GRAMD4: variants seen among roughly 807,000 people sequenced by gnomAD.
GRAMD4 encodes GRAM domain containing 4.
Under a neutral mutation model 83.9 loss-of-function variants are expected in GRAMD4, and 25 were observed. That is an observed-to-expected ratio of 0.30 (90% CI 0.22 to 0.42). The LOEUF (loss-of-function observed/expected upper bound fraction) is 0.42, where lower values mean the gene tolerates loss of function less well. Among genes scored for constraint, GRAMD4 ranks in the 10% least tolerant of loss-of-function variants. The pLI is 1.00. For missense variants in GRAMD4, 593 were observed against 788.7 expected (o/e 0.75, Z 2.97); for synonymous variants, 336 against 320.9 (o/e 1.05, Z -0.50).
intron 1 of GRAMD4, among the ~76,000 whole-genome samples, chr22:46,625,821 G>A (rs541009192): frequency 2.8e-4 from 43 of 152,372 alleles, no homozygotes; most frequent in African/African-American, 7.2e-4. Context: ...TGGCCAGGTC[G>A]GGCAGCGATG....
At chr22:46,667,485 C>T (rs2082428143) in intron 10 of GRAMD4, among the ~76,000 whole-genome samples, 2 of 152,236 alleles carry the variant, frequency 1.3e-5, no homozygotes, top group Non-Finnish European at 2.9e-5. Flanking sequence ...GACGACAGAC[C>T]ACGTGGCCAT....
At chr22:46,643,171 C>T (rs1313070604) in intron 3 of GRAMD4, among the ~76,000 whole-genome samples, 8 of 141,480 alleles carry the variant, frequency 5.7e-5, no homozygotes, top group South Asian at 2.2e-4. Flanking sequence ...ATCCATCCAT[C>T]CATCCATCCA....
chr22:46,610,692 TGGGGAATCCA>T (rs2147089242), intron 1 of GRAMD4, among the ~76,000 whole-genome samples: 1 of 152,350 alleles, frequency 6.6e-6, no homozygotes, highest in South Asian at 2.1e-4. Context: ...ATGGCGAATC[TGGGGAATCCA>T]GAAGGGGCTT....
intron 13 of GRAMD4, among the ~76,000 whole-genome samples, chr22:46,669,938 A>G (rs1028922395): frequency 4.6e-5 from 7 of 152,064 alleles, no homozygotes; most frequent in African/African-American, 1.4e-4. Context: ...TTCCTCAATA[A>G]CAACGATCCA....
chr22:46,676,517 G>A, intron 17 of GRAMD4, 83 bp from the exon 18 acceptor site: 1 of 1,246,878 alleles, frequency 8.0e-7, no homozygotes, highest in Non-Finnish European at 1.1e-6. Flanking sequence ...GCCCAGTGGA[G>A]GAGGATGCCC....
intron 1 of GRAMD4, among the ~76,000 whole-genome samples, chr22:46,581,917 G>T (rs117768677): frequency 5.3e-5 from 8 of 152,214 alleles, no homozygotes; most frequent in South Asian, 4.1e-4. Flanking sequence ...TTGGCCTAGG[G>T]TATAGAAGCC....
chr22:46,664,262 G>A (rs912610371), intron 8 of GRAMD4, 145 bp downstream of exon 8: 1 of 676,774 alleles, frequency 1.5e-6, no homozygotes. Flanking sequence ...TTCTCCTTCT[G>A]TAAAGTGGGC....
intron 8 of GRAMD4, 74 bp downstream of exon 8, chr22:46,664,191 C>A: frequency 9.3e-7 from 1 of 1,076,638 alleles, no homozygotes. Context: ...GATCAGGCAC[C>A]TTCCCAGGGT....
At chr22:46,627,690 C>G (rs1023930022) in intron 2 of GRAMD4, among the ~76,000 whole-genome samples, 3 of 152,242 alleles carry the variant, frequency 2.0e-5, no homozygotes, top group African/African-American at 7.2e-5. Context: ...TCCTCCAGCC[C>G]CTGAGCCAGG....
intron 8 of GRAMD4, 66 bp from the exon 9 acceptor site, chr22:46,665,549 G>GGTGGGT (rs1555974486): frequency 4.0e-5 from 34 of 857,700 alleles, no homozygotes; most frequent in Admixed American, 7.8e-5. Flanking sequence ...GGGGGGAGGC[G>GGTGGGT]GGAGGGATGT....
intron 2 of GRAMD4, among the ~76,000 whole-genome samples, chr22:46,629,280 G>A (rs2081728545): frequency 6.6e-6 from 1 of 152,140 alleles, no homozygotes; most frequent in Non-Finnish European, 1.5e-5. Flanking sequence ...AAGGGGGACG[G>A]CAGTCTCGTC....
At chr22:46,609,248 C>T (rs1435788668) in intron 1 of GRAMD4, among the ~76,000 whole-genome samples, 1 of 152,216 alleles carries the variant, frequency 6.6e-6, no homozygotes, top group Non-Finnish European at 1.5e-5. Flanking sequence ...TCAGGCGATC[C>T]TGTTGCCCTC....
intron 11 of GRAMD4, among the ~76,000 whole-genome samples, chr22:46,668,412 G>A (rs931901410): frequency 6.6e-6 from 1 of 152,148 alleles, no homozygotes; most frequent in Admixed American, 6.5e-5. Flanking sequence ...CTCTGCGGAC[G>A]GTGCGCGAGG....
chr22:46,658,130 A>G, intron 3 of GRAMD4, 57 bp from the exon 4 acceptor site: 1 of 1,607,992 alleles, frequency 6.2e-7, no homozygotes, highest in Non-Finnish European at 8.5e-7. Context: ...CCAGCATCCC[A>G]GAGTCGGGGT....
chr22:46,643,151 C>G (rs749817040), intron 3 of GRAMD4, among the ~76,000 whole-genome samples: 512 of 5,656 alleles, frequency 0.091, 1 homozygote, highest in Non-Finnish European at 0.12. Context: ...TTCCATCCAT[C>G]CATCCATCCA....
At chr22:46,589,140 G>A (rs5768996) in intron 1 of GRAMD4, among the ~76,000 whole-genome samples, 73,757 of 151,626 alleles carry the variant, frequency 0.49, 19,827 homozygotes, top group African/African-American at 0.73. Context: ...CTCCAGGGAG[G>A]ACCTTTTCAG....
At chr22:46,663,401 G>T (rs995137342) in intron 6 of GRAMD4, among the ~76,000 whole-genome samples, 15 of 152,250 alleles carry the variant, frequency 9.9e-5, no homozygotes, top group Admixed American at 9.8e-4. Flanking sequence ...GCTCTCAGCT[G>T]TGGCTTGTGA....
At chr22:46,643,123 GCATCCATC>G (rs2082002720) in intron 3 of GRAMD4, among the ~76,000 whole-genome samples, 3 of 23,824 alleles carry the variant, frequency 1.3e-4, no homozygotes, top group African/African-American at 1.7e-4. Flanking sequence ...ATCCATCCAT[GCATCCATC>G]CATGCATCCT....
At chr22:46,676,003 G>T (rs2082591800) in intron 17 of GRAMD4, among the ~76,000 whole-genome samples, 2 of 152,250 alleles carry the variant, frequency 1.3e-5, no homozygotes, top group Admixed American at 1.3e-4. Flanking sequence ...AAGTGCCTGT[G>T]GTCCCTTGTT....
Sources: allele counts gnomAD v4.1 joint callset (sites outside exome capture counted in the v4.1 genomes callset), GRCh38; gene constraint gnomAD v4.1.1; transcripts MANE v1.5; gene names NCBI Gene and HGNC (gene_info 2026-07-23, HGNC 2026-07-21).